KRT34: variants seen among roughly 807,000 people sequenced by gnomAD.
KRT34 encodes keratin 34, also known as keratin, type I cuticular Ha4.
KRT34 carries 31 observed loss-of-function variants against 41.7 expected under a neutral mutation model. The observed-to-expected ratio is 0.74, with a 90% CI of 0.56 to 1.00. KRT34 has a LOEUF of 1.00. Ranked by LOEUF, KRT34 falls within the 50% of genes least tolerant of loss-of-function variation. The probability of loss-of-function intolerance (pLI) is 0.00; values close to 1 mark genes in which losing one functional copy is unlikely to be tolerated. For missense variants in KRT34, 523 were observed against 500.3 expected (o/e 1.05, Z -0.43); for synonymous variants, 224 against 212.9 (o/e 1.05, Z -0.45).
intron 3 of KRT34, among the ~76,000 whole-genome samples, chr17:41,380,034 G>A (rs2144327410): frequency 6.6e-6 from 1 of 152,306 alleles, no homozygotes; most frequent in South Asian, 2.1e-4. Flanking sequence ...GCAGAGGCAG[G>A]TGGATCACGA....
At chr17:41,382,880 A>G (rs952059278), upstream of KRT34, among the ~76,000 whole-genome samples, 1 of 152,222 alleles carries the variant, frequency 6.6e-6, no homozygotes, top group Non-Finnish European at 1.5e-5. Context: ...TGGCATGTTC[A>G]TGGTTGAGAA....
upstream of KRT34, chr17:41,382,408 C>T (rs537307430): frequency 9.1e-6 from 14 of 1,534,982 alleles, no homozygotes; most frequent in South Asian, 1.5e-4. Context: ...AATTTTTCTC[C>T]AAAATATGCT....
intron 3 of KRT34, among the ~76,000 whole-genome samples, chr17:41,380,003 G>T (rs1018418422): frequency 1.3e-5 from 2 of 152,178 alleles, no homozygotes; most frequent in Non-Finnish European, 2.9e-5. Context: ...GCTCAAGCCT[G>T]TAATCCCAGC....
At chr17:41,382,546 G>A (rs1418578382), upstream of KRT34, 1 of 630,648 alleles carries the variant, frequency 1.6e-6, no homozygotes, top group African/African-American at 1.8e-5. Flanking sequence ...CTTCATAGGA[G>A]ATAGAATCAT....
intron 2 of KRT34, 21 bp from the exon 3 acceptor site, chr17:41,381,233 G>A: frequency 6.2e-7 from 1 of 1,605,952 alleles, no homozygotes. Context: ...CGGAGTGGGA[G>A]GATAAGTCAG....
chr17:41,382,025 C>T lies in KRT34; in HGVS notation c.222G>A (p.Val74=), dbSNP rs778220460. 41 of 1,614,068 alleles carry T rather than the reference C, an allele frequency of 2.5e-5. No individual in the cohort carries two copies. Among genetic ancestry groups the T allele is most frequent in the Non-Finnish European group, 3.3e-5 (39 of 1,180,060 alleles). Residue 74 remains valine (V), a synonymous_variant, in exon 1 of 7, where the codon GTG becomes GTA. Coordinates refer to ENST00000394001, the MANE Select transcript of KRT34 (RefSeq NM_001386014.1). ...NDRLASYLEK[V]RQLERDNAEL... is the part of the protein sequence containing the mutation. ...CCGCGTTGTCCCGCTCCAGCTGACG[C>T]ACCTTCTCCAGGTAGCTGGCCAGGC...
chr17:41,379,067 C>T lies in KRT34; in HGVS notation c.986G>A (p.Arg329His), dbSNP rs556713103. Residue 329 changes from arginine (R) to histidine (H), a missense_variant, in exon 6 of 7, where the codon CGC becomes CAC. Transcript: ENST00000394001. Reference protein sequence around the residue: ...TNVESQLAEIRCDLERQNQEY... With the variant: ...TNVESQLAEIHCDLERQNQEY... ...CTGGTTCTGCCGCTCCAGGTCACAGCGGATCTCTGCCAGCTGAGACTCCAC... is the reference window on the plus strand; with the variant it reads ...CTGGTTCTGCCGCTCCAGGTCACAGTGGATCTCTGCCAGCTGAGACTCCAC... 2.0e-5 allele frequency: 32 copies of T among 1,614,182 alleles called. No individual in the cohort carries two copies. Among genetic ancestry groups the T allele is most frequent in the Non-Finnish European group, 2.2e-5 (26 of 1,180,038 alleles).
At chr17:41,380,925 G>A (rs1046630396) in intron 3 of KRT34, 131 bp downstream of exon 3, 26 of 884,538 alleles carry the variant, frequency 2.9e-5, no homozygotes, top group African/African-American at 1.3e-4. Context: ...ATGTAGCACC[G>A]TCACTCTCTG....
chr17:41,379,702 T>G lies in KRT34; in HGVS notation c.618A>C (p.Gly206=). ...EEVNTLRSQL[G]DRLNVEVDTA... Reference sequence around the variant, plus strand: ...TGTCCACCTCCACGTTGAGGCGGTCTCCAAGCTGGGAGCGCAGGGTGTTAA... The same window carrying G: ...TGTCCACCTCCACGTTGAGGCGGTCGCCAAGCTGGGAGCGCAGGGTGTTAA... Residue 206 remains glycine, a synonymous_variant, in exon 4 of 7, where the codon GGA becomes GGC. Transcript: ENST00000394001. 1.2e-6 allele frequency: 2 copies of G among 1,612,276 alleles called. No homozygotes were observed. The highest frequency in any genetic ancestry group is 1.7e-6 in the Non-Finnish European group (2 of 1,179,238).
At chr17:41,379,814 CA>C (rs1236375509) in intron 3 of KRT34, 83 bp from the exon 4 acceptor site, 1 of 1,374,944 alleles carries the variant, frequency 7.3e-7, no homozygotes, top group Non-Finnish European at 9.9e-7. Context: ...CAATACTGCC[CA>C]AAAAGCACTA....
rs774452221 is a variant in KRT34 at position 41,382,191 on chromosome 17, C to T, written c.56G>A (p.Arg19Gln). Residue 19 changes from arginine (R) to glutamine (Q), a missense_variant, in exon 1 of 7, where the codon CGG (arginine) becomes CAG (glutamine). Arg to Gln is a conservative substitution (Grantham distance 43, BLOSUM62 1). Transcript: ENST00000394001. ...SLGCRTSCSSRPCVPPSCHGY... is the reference protein window; with the variant it reads ...SLGCRTSCSSQPCVPPSCHGY... ...GTGGCAGCTGGGGGGCACGCAGGGC[C>T]GGGAGGAGCAGCTGGTGCGGCAGCC... The T allele has an allele frequency of 1.6e-5, 25 of 1,612,362 alleles. No individual in the cohort carries two copies. The highest frequency in any genetic ancestry group is 1.1e-4 in the African/African-American group (8 of 74,980).
chr17:41,379,769 G>C (rs778417368), intron 3 of KRT34, 38 bp from the exon 4 acceptor site: 3 of 1,553,490 alleles, frequency 1.9e-6, no homozygotes, highest in Admixed American at 2.0e-5. Flanking sequence ...CTACGGCAAT[G>C]GATCTGCCAT....
rs138225736 is a variant in KRT34, at chr17:41,380,902, C to T, written c.588+154G>A. Among the ~76,000 whole-genome samples the T allele has an allele frequency of 5.4e-3, 817 of 152,264 alleles. 4 individuals carry two copies. Among genetic ancestry groups the T allele is most frequent in the African/African-American group, 0.018 (749 of 41,518 alleles). Reference sequence around the variant, plus strand: ...GCTGAAGAATGAGCAGCTCACTCCACTCCTTGATATGGATGTAGCACCGTC... The same window carrying T: ...GCTGAAGAATGAGCAGCTCACTCCATTCCTTGATATGGATGTAGCACCGTC... On this transcript the variant is annotated intron_variant, in intron 3 of 6. Coordinates refer to ENST00000394001, the MANE Select transcript of KRT34 (RefSeq NM_001386014.1).
rs370550577 is a variant in KRT34 at position 41,382,267 on chromosome 17, A to G, written c.-21T>C. 1.5e-5 allele frequency: 24 copies of G among 1,612,964 alleles called. No individual in the cohort carries two copies. The highest frequency in any genetic ancestry group is 1.9e-5 in the Non-Finnish European group (23 of 1,180,046). On this transcript the variant is annotated 5_prime_UTR_variant, in exon 1 of 7. Coordinates refer to ENST00000394001, the MANE Select transcript of KRT34 (RefSeq NM_001386014.1). ...GACATGGTGCTGGAACAGGTAATGG[A>G]AAAGCAGGTAAGCTGCTGGAGGTGG... is the stretch of plus-strand genomic sequence containing the variant.
At chr17:41,379,863 A>G in intron 3 of KRT34, 132 bp from the exon 4 acceptor site, 1 of 967,424 alleles carries the variant, frequency 1.0e-6, no homozygotes, top group South Asian at 1.8e-5. Flanking sequence ...AGTGACACAC[A>G]CATTTTATAG....
upstream of KRT34, chr17:41,382,486 G>A (rs2018016118): frequency 1.1e-6 from 1 of 872,582 alleles, no homozygotes; most frequent in Non-Finnish European, 1.7e-6. Context: ...TGTCACACCA[G>A]GCTCTTCCTG....
Position 41,382,071 on chromosome 17 carries a change from G to T in KRT34, c.176C>A (p.Thr59Asn), listed in dbSNP as rs1254410779. 1 of 1,613,322 alleles carries T rather than the reference G, an allele frequency of 6.2e-7. No homozygotes were observed. The change falls in exon 1 of 7, where the codon ACT becomes AAT. Residue 59 changes from threonine (T) to asparagine (N), a missense_variant. Transcript: ENST00000394001. ...CAGGCGGTCGTTCAGGAACTGCATA[G>T]TCTCCTTCTCGCTGCCATTGAAGGA... ...EGSFNGSEKETMQFLNDRLAS... is the reference protein window; with the variant it reads ...EGSFNGSEKENMQFLNDRLAS...
At position 41,381,698 on chromosome 17, in the gene KRT34, T is replaced by C. The variant is rs1272110371; in HGVS notation, c.431+15A>G. 2 of 1,612,354 alleles carry C rather than the reference T, an allele frequency of 1.2e-6. No individual in the cohort carries two copies. The highest frequency in any genetic ancestry group is 1.1e-5 in the South Asian group (1 of 91,048). ...GGCCATGAAAGAACCATAGGGACCT[T>C]GAAGTTCAACATACTTGCTTCTGAA... On this transcript the variant is annotated intron_variant, in intron 2 of 6. Coordinates refer to ENST00000394001, the MANE Select transcript of KRT34 (RefSeq NM_001386014.1).
chr17:41,381,882 A>G lies in KRT34; in HGVS notation c.348+17T>C. The stretch of plus-strand genomic sequence containing the variant: ...GAGCCAGCTGCTGCTGGCCCCCCAT[A>G]TGGCCAACCCCCTCACCTTCTGCTG... On this transcript the variant is annotated intron_variant, in intron 1 of 6. Transcript: ENST00000394001. The G allele has an allele frequency of 9.9e-6, 16 of 1,613,174 alleles. No homozygotes were observed. The highest frequency in any genetic ancestry group is 1.4e-5 in the Non-Finnish European group (16 of 1,179,206).
Sources: allele counts gnomAD v4.1 joint callset (sites outside exome capture counted in the v4.1 genomes callset), GRCh38; gene constraint gnomAD v4.1.1; transcripts MANE v1.5; gene names NCBI Gene and HGNC (gene_info 2026-07-23, HGNC 2026-07-21).